ARL3: variants seen among roughly 807,000 people sequenced by gnomAD.
The protein encoded by ARL3 is ARF like GTPase 3.
ARL3 carries 9 observed loss-of-function variants against 26.0 expected under a neutral mutation model. The ratio of observed to expected loss-of-function variants is 0.35; its 90% CI spans 0.21 to 0.60. The LOEUF (loss-of-function observed/expected upper bound fraction) is 0.60. Ranked by LOEUF, ARL3 falls within the 20% of genes least tolerant of loss-of-function variation. The probability of loss-of-function intolerance (pLI) is 0.78; values close to 1 mark genes in which losing one functional copy is unlikely to be tolerated. For synonymous variants in ARL3, 71 were observed against 78.4 expected, an observed-to-expected ratio of 0.91 and a Z score of 0.50; for missense variants, 158 against 215.7, an observed-to-expected ratio of 0.73 and a Z score of 1.67.
At chr10:102,704,064 T>C (rs1002827088) in intron 2 of ARL3, among the ~76,000 whole-genome samples, 6 of 137,340 alleles carry the variant, frequency 4.4e-5, no homozygotes, top group African/African-American at 1.4e-4. Context: ...GGCAGGAGAA[T>C]CACTTGAACC....
At chr10:102,693,511 T>G (rs1212666284) in intron 3 of ARL3, among the ~76,000 whole-genome samples, 2 of 152,236 alleles carry the variant, frequency 1.3e-5, no homozygotes, top group Non-Finnish European at 2.9e-5. Context: ...TCAGATCTTT[T>G]GCCCATTTGT....
intron 5 of ARL3, among the ~76,000 whole-genome samples, chr10:102,683,630 T>C (rs745843915): frequency 3.9e-5 from 6 of 152,186 alleles, no homozygotes; most frequent in East Asian, 3.9e-4. Flanking sequence ...ATAATCTCAC[T>C]TTACTCACTC....
At chr10:102,711,167 A>C (rs1162282645) in intron 1 of ARL3, among the ~76,000 whole-genome samples, 1 of 152,164 alleles carries the variant, frequency 6.6e-6, no homozygotes, top group African/African-American at 2.4e-5. Context: ...CTTCTTTCTC[A>C]TCACCCTCTC....
intron 2 of ARL3, 120 bp from the exon 3 acceptor site, chr10:102,699,609 G>T: frequency 1.7e-6 from 1 of 603,970 alleles, no homozygotes; most frequent in Non-Finnish European, 2.9e-6. Flanking sequence ...TGTGATACTG[G>T]TAATGCTGAA....
chr10:102,692,136 G>A (rs1192790689), intron 3 of ARL3, among the ~76,000 whole-genome samples: 1 of 152,208 alleles, frequency 6.6e-6, no homozygotes, highest in Admixed American at 6.5e-5. Flanking sequence ...GGAATCCAGG[G>A]TTACATTATA....
intron 5 of ARL3, among the ~76,000 whole-genome samples, chr10:102,685,165 C>T (rs1417381653): frequency 1.4e-5 from 2 of 147,792 alleles, no homozygotes; most frequent in African/African-American, 5.0e-5. Flanking sequence ...AGGAGAATCA[C>T]TTGAACCTGG....
intron 2 of ARL3, among the ~76,000 whole-genome samples, chr10:102,700,405 T>C (rs1350081951): frequency 1.4e-3 from 1 of 720 alleles, no homozygotes; most frequent in Non-Finnish European, 3.2e-3. Context: ...TGAGATTCCA[T>C]CTCAAAAAAA....
At chr10:102,686,314 C>T (rs936877694) in intron 4 of ARL3, among the ~76,000 whole-genome samples, 3 of 151,752 alleles carry the variant, frequency 2.0e-5, no homozygotes, top group African/African-American at 4.8e-5. Context: ...TCAGGTGATC[C>T]ACCCACCTCG....
Position 102,675,786 on chromosome 10 carries a change from G to GC in ARL3, c.*1107dup, listed in dbSNP as rs2064127235. The GC allele has an allele frequency of 6.6e-6, 1 of 152,352 alleles. No homozygotes were observed. The highest frequency in any genetic ancestry group is 1.5e-5 in the Non-Finnish European group (1 of 68,090). 9.4% of individuals were successfully genotyped at this position (152,352 alleles called of 1,614,324 possible). ...ACACACACCCATGTCCTCCCCAGCA[G>GC]CAAACCCTCTCCATCCAGGAGCATC... On this transcript the variant is annotated 3_prime_UTR_variant, in exon 6 of 6. Transcript: ENST00000260746.
At chr10:102,679,931 C>T (rs1472253719) in intron 5 of ARL3, among the ~76,000 whole-genome samples, 1 of 152,170 alleles carries the variant, frequency 6.6e-6, no homozygotes, top group East Asian at 1.9e-4. Flanking sequence ...ATGTTCCATA[C>T]CACTCTTGCT....
intron 2 of ARL3, among the ~76,000 whole-genome samples, chr10:102,701,069 G>A (rs1033821501): frequency 5.3e-5 from 8 of 152,078 alleles, no homozygotes; most frequent in African/African-American, 1.7e-4. Context: ...GTTACTTGAG[G>A]TGAAACTTTG....
chr10:102,687,431 CGGTG>C (rs920252473), intron 4 of ARL3, among the ~76,000 whole-genome samples: 3 of 151,624 alleles, frequency 2.0e-5, no homozygotes, highest in Admixed American at 2.0e-4. Flanking sequence ...TGGCCAGGCG[CGGTG>C]GCTCACCCAT....
At chr10:102,689,772 G>A (rs1299048990) in intron 4 of ARL3, 121 bp downstream of exon 4, 4 of 467,100 alleles carry the variant, frequency 8.6e-6, no homozygotes, top group Admixed American at 3.7e-5. Context: ...AGGTTGGGGT[G>A]AGCCGAGATC....
At chr10:102,692,072 G>C (rs1318084117) in intron 3 of ARL3, among the ~76,000 whole-genome samples, 1 of 152,178 alleles carries the variant, frequency 6.6e-6, no homozygotes, top group Non-Finnish European at 1.5e-5. Flanking sequence ...GCTGTGAACC[G>C]ATTTTTGCTG....
intron 5 of ARL3, among the ~76,000 whole-genome samples, chr10:102,679,526 T>G (rs1195306777): frequency 6.6e-6 from 1 of 152,220 alleles, no homozygotes; most frequent in African/African-American, 2.4e-5. Context: ...GCTCCAGAGC[T>G]GCTTACCAGT....
chr10:102,700,106 T>A (rs2064271197), intron 2 of ARL3, among the ~76,000 whole-genome samples: 1 of 151,930 alleles, frequency 6.6e-6, no homozygotes, highest in Admixed American at 6.6e-5. Flanking sequence ...AACAAACAAG[T>A]GGTCAGTTAA....
chr10:102,705,652 G>A (rs978573982), intron 1 of ARL3, among the ~76,000 whole-genome samples, 163 bp from the exon 2 acceptor site: 2 of 152,114 alleles, frequency 1.3e-5, no homozygotes, highest in Non-Finnish European at 2.9e-5. Flanking sequence ...CTCTTTCCAA[G>A]TTTCGGTAGA....
At chr10:102,705,663 A>C (rs75810299) in intron 1 of ARL3, among the ~76,000 whole-genome samples, 174 bp from the exon 2 acceptor site, 1 of 152,330 alleles carries the variant, frequency 6.6e-6, no homozygotes, top group East Asian at 1.9e-4. Context: ...TTTCGGTAGA[A>C]GTGCTACAGT....
rs569713557 is a variant in ARL3 at position 102,708,746 on chromosome 10, C to T, written c.4-3257G>A. Among the ~76,000 whole-genome samples, 35 of 151,792 alleles carry T rather than the reference C, an allele frequency of 2.3e-4. 1 individual carries two copies. In the East Asian group the frequency reaches 6.4e-3, roughly 28 times the overall value. ...TGGCACATGCCTGTAATCCCAGCTA[C>T]TTGGGAAGCTGAGGCAGGAGAATTG... On this transcript the variant is annotated intron_variant, in intron 1 of 5. Transcript: ENST00000260746.
Sources: gnomAD v4.1 joint callset for allele counts (sites outside exome capture counted in the v4.1 genomes callset) on GRCh38, gnomAD v4.1.1 for gene constraint, MANE v1.5 for transcripts, NCBI Gene and HGNC (gene_info 2026-07-23, HGNC 2026-07-21) for gene names.